CARS1: variants seen among roughly 807,000 people sequenced by gnomAD.
The protein encoded by CARS1 is cysteine--tRNA ligase, cytoplasmic.
In CARS1, 48 loss-of-function variants were observed where a neutral mutation model predicts 106.2. That is an observed-to-expected ratio of 0.45 (90% CI 0.36 to 0.57). The LOEUF is 0.57. CARS1 is among the 20% of genes least tolerant of loss of function. The pLI is 0.00. For synonymous variants in CARS1, 409 were observed against 403.4 expected (o/e 1.01, Z -0.17); for missense variants, 968 against 1,057.2 (o/e 0.92, Z 1.17).
chr11:3,005,107 C>CAA (rs71035465), intron 20 of CARS1, among the ~76,000 whole-genome samples: 2,394 of 90,274 alleles, frequency 0.027, 135 homozygotes, highest in African/African-American at 0.089. Flanking sequence ...GACTCCGTCT[C>CAA]AAAAAAAAAA....
intron 16 of CARS1, among the ~76,000 whole-genome samples, chr11:3,016,417 G>T (rs1490350799): frequency 9.9e-5 from 15 of 151,818 alleles, no homozygotes; most frequent in East Asian, 9.7e-4. Flanking sequence ...TAGAGACGGG[G>T]TTTCACCGTG....
At position 3,020,820 on chromosome 11, in the gene CARS1, G is replaced by A. The variant is rs1204753531; in HGVS notation, c.1154-488C>T. ...GGGGATACAAGGATGCAGCTAAGCT[G>A]CTGTGTACTACTGCAGGGAACCTGG... On this transcript the variant is annotated intron_variant, in intron 10 of 22. Coordinates refer to ENST00000380525, the MANE Select transcript of CARS1 (RefSeq NM_001014437.3). The surrounding 1 kb of genome is among the most constrained non-coding windows in gnomAD (Gnocchi z 4.6). Among the ~76,000 whole-genome samples, 3 of 152,240 alleles carry A rather than the reference G, an allele frequency of 2.0e-5. No individual in the cohort carries two copies. Among genetic ancestry groups the A allele is most frequent in the Non-Finnish European group, 4.4e-5 (3 of 68,042 alleles).
intron 19 of CARS1, among the ~76,000 whole-genome samples, chr11:3,005,714 C>T (rs868208187): frequency 1.3e-5 from 2 of 149,580 alleles, no homozygotes; most frequent in Middle Eastern, 3.4e-3. Flanking sequence ...TTCACTGCAA[C>T]CTTTGCCTAT....
rs74436287 is a variant in CARS1, at chr11:3,046,388, G to C, written c.274+1365C>G. On this transcript the variant is annotated intron_variant, in intron 2 of 22. Transcript: ENST00000380525. This position sits in a 1 kb window ranked among gnomAD's most constrained non-coding sequence, Gnocchi z 5.8. ...TGGCAGGGGGAACAACCTGACACCC[G>C]AGCCCTTGGAGAGAAGGCACCTCAC... is the stretch of plus-strand genomic sequence containing the variant. 1.6e-4 allele frequency among the ~76,000 whole-genome samples: 24 copies of C among 152,184 alleles called. No individual in the cohort carries two copies. Among genetic ancestry groups the C allele is most frequent in the Middle Eastern group, 3.4e-3 (1 of 294 alleles).
rs412265 is a variant in CARS1, at chr11:3,046,393, C to T, written c.274+1360G>A. On this transcript the variant is annotated intron_variant, in intron 2 of 22. Coordinates refer to ENST00000380525, the MANE Select transcript of CARS1 (RefSeq NM_001014437.3). This position sits in a 1 kb window ranked among gnomAD's most constrained non-coding sequence, Gnocchi z 5.8. ...GGGGGAACAACCTGACACCCGAGCCCTTGGAGAGAAGGCACCTCACAGCAC... is the reference window on the plus strand; with the variant it reads ...GGGGGAACAACCTGACACCCGAGCCTTTGGAGAGAAGGCACCTCACAGCAC... 2.6e-4 allele frequency among the ~76,000 whole-genome samples: 39 copies of T among 152,294 alleles called. No individual in the cohort carries two copies. Among genetic ancestry groups the T allele is most frequent in the Middle Eastern group, 3.4e-3 (1 of 294 alleles).
chr11:3,027,973 C>T (rs1329162886), intron 9 of CARS1: 3 of 417,088 alleles, frequency 7.2e-6, no homozygotes, highest in African/African-American at 6.1e-5. Flanking sequence ...TATCCGGAGG[C>T]CTAACCGTCT....
intron 10 of CARS1, among the ~76,000 whole-genome samples, chr11:3,024,017 C>T (rs893268683): frequency 6.6e-6 from 1 of 152,066 alleles, no homozygotes; most frequent in East Asian, 1.9e-4. Flanking sequence ...CTCAGCCTCC[C>T]GAGTAGCTGG....
chr11:3,042,649 T>C (rs958127426), intron 2 of CARS1, among the ~76,000 whole-genome samples: 13 of 152,218 alleles, frequency 8.5e-5, no homozygotes, highest in Admixed American at 3.3e-4. Context: ...CTTCAAATAC[T>C]GGCCCCTTTC....
At chr11:3,056,290 A>C (rs1458366824) in intron 1 of CARS1, among the ~76,000 whole-genome samples, 1 of 152,242 alleles carries the variant, frequency 6.6e-6, no homozygotes, top group South Asian at 2.1e-4. Flanking sequence ...ACTTGCATCT[A>C]ATTTTTGCCA....
Position 3,047,774 on chromosome 11 carries a change from G to C in CARS1, c.253C>G (p.Gln85Glu), listed in dbSNP as rs374958500. 1.2e-6 allele frequency: 2 copies of C among 1,613,242 alleles called. No individual in the cohort carries two copies. Among genetic ancestry groups the C allele is most frequent in the African/African-American group, 2.7e-5 (2 of 74,914 alleles). ...ALLGSPCGKGQPCRLQASKGR... is the reference protein window; with the variant it reads ...ALLGSPCGKGEPCRLQASKGR... Reference sequence around the variant, plus strand: ...TCACTTGCTTGGAGCCTGCAGGGCTGGCCTTTGCCACAGGGGCTACCCAGG... The same window carrying C: ...TCACTTGCTTGGAGCCTGCAGGGCTCGCCTTTGCCACAGGGGCTACCCAGG... The change falls in exon 2 of 23, where the codon CAG becomes GAG. Residue 85 changes from glutamine (Q) to glutamate (E), a missense_variant. Coordinates refer to ENST00000380525, the MANE Select transcript of CARS1 (RefSeq NM_001014437.3).
rs567080568 is a variant in CARS1, at chr11:3,043,759, G to A, written c.275-1503C>T. Among the ~76,000 whole-genome samples, 139 of 152,186 alleles carry A rather than the reference G, an allele frequency of 9.1e-4. 1 individual carries two copies. The highest frequency in any genetic ancestry group is 1.5e-3 in the Non-Finnish European group (103 of 68,016). Reference sequence around the variant, plus strand: ...TAGCTCAGGCCACACGAGCCAGGACGGCAGACGCTGATGACTAACAGGCCA... The same window carrying A: ...TAGCTCAGGCCACACGAGCCAGGACAGCAGACGCTGATGACTAACAGGCCA... On this transcript the variant is annotated intron_variant, in intron 2 of 22. Transcript: ENST00000380525. The surrounding 1 kb of genome is among the most constrained non-coding windows in gnomAD (Gnocchi z 4.0).
chr11:3,006,938 C>G lies in CARS1; in HGVS notation c.2090G>C (p.Ser697Thr). The change falls in exon 19 of 23, where the codon AGC becomes ACC. Residue 697 changes from serine to threonine, a missense_variant. Physicochemically the swap from Ser to Thr is moderately conservative, Grantham distance 58 (BLOSUM62 1). Transcript: ENST00000380525. ...CAGGATGTTGTCCCGCAGGGCATCG[C>G]TGAGCTGCAGAATCTCAGGGACTGT... is the stretch of plus-strand genomic sequence containing the variant. ...EQKVPEILQL[S>T]DALRDNILPE... 1 of 1,614,102 alleles carries G rather than the reference C, an allele frequency of 6.2e-7. No individual in the cohort carries two copies. The highest frequency in any genetic ancestry group is 8.5e-7 in the Non-Finnish European group (1 of 1,180,016).
rs545315438 is a variant in CARS1 at position 3,028,643 on chromosome 11, G to C, written c.1031+353C>G. ...ATCCTCCTTCGGGATATGACACCAG[G>C]ACTAGCACTCTCAAAATGTCTACGC... On this transcript the variant is annotated intron_variant, in intron 9 of 22. Coordinates refer to ENST00000380525, the MANE Select transcript of CARS1 (RefSeq NM_001014437.3). The surrounding 1 kb of genome is among the most constrained non-coding windows in gnomAD (Gnocchi z 4.4). The C allele has an allele frequency of 3.0e-6, 1 of 338,736 alleles. No homozygotes were observed. Among genetic ancestry groups the C allele is most frequent in the South Asian group, 7.9e-5 (1 of 12,694 alleles). 21.0% of individuals were successfully genotyped at this position (338,736 alleles called of 1,614,324 possible).
intron 2 of CARS1, among the ~76,000 whole-genome samples, chr11:3,047,208 T>C (rs1395838386): frequency 2.2e-5 from 3 of 134,622 alleles, no homozygotes; most frequent in Non-Finnish European, 4.6e-5. Flanking sequence ...ACCCGGGAGG[T>C]GGAGCTTGCA....
At position 3,028,542 on chromosome 11, in the gene CARS1, C is replaced by T. The variant is rs989313513; in HGVS notation, c.1031+454G>A. ...ACTTTGGAGATTGAGACAATACGGG[C>T]CAGGGAAGTGTATGATGGATTTGCC... is the stretch of plus-strand genomic sequence containing the variant. On this transcript the variant is annotated intron_variant, in intron 9 of 22. Transcript: ENST00000380525. The surrounding 1 kb of genome is among the most constrained non-coding windows in gnomAD (Gnocchi z 4.4). 2.5e-5 allele frequency: 6 copies of T among 237,984 alleles called. No individual in the cohort carries two copies. Among genetic ancestry groups the T allele is most frequent in the Non-Finnish European group, 3.2e-5 (4 of 125,222 alleles). The allele number at this position is 237,984 out of a possible 1,614,324, so 14.7% of individuals were successfully genotyped here.
chr11:3,054,675 C>T (rs2134326717), intron 1 of CARS1, among the ~76,000 whole-genome samples: 1 of 152,312 alleles, frequency 6.6e-6, no homozygotes, highest in South Asian at 2.1e-4. Flanking sequence ...GATTGCTTGA[C>T]TTCTCTGAAC....
chr11:3,001,003 A>C lies in CARS1; in HGVS notation c.*111T>G. 8.0e-7 allele frequency: 1 copy of C among 1,257,140 alleles called. No homozygotes were observed. Among genetic ancestry groups the C allele is most frequent in the Non-Finnish European group, 1.1e-6 (1 of 891,340 alleles). 77.9% of individuals were successfully genotyped at this position (1,257,140 alleles called of 1,614,324 possible). ...CGAACCTACATGAACACAACTCTTA[A>C]TTTAGGACCCAAGGGTGACTGTAAA... On this transcript the variant is annotated 3_prime_UTR_variant, in exon 23 of 23. Transcript: ENST00000380525.
chr11:3,040,917 G>A lies in CARS1; in HGVS notation c.434C>T (p.Ala145Val). Residue 145 changes from alanine (A) to valine (V), a missense_variant, in exon 4 of 23, where the codon GCA becomes GTA. Physicochemically the swap from Ala to Val is moderately conservative, Grantham distance 64. Transcript: ENST00000380525. The surrounding 1 kb of genome is among the most constrained non-coding windows in gnomAD (Gnocchi z 5.8). Reference sequence around the variant, plus strand: ...CTACCTGGCGTGCCCCATGTGAGATGCGTCATAGACGGTTGGCCCACAGCA... The same window carrying A: ...CTACCTGGCGTGCCCCATGTGAGATACGTCATAGACGGTTGGCCCACAGCA... The part of the protein sequence containing the change: ...WYCCGPTVYD[A>V]SHMGHARSYI... 2 of 1,614,112 alleles carry A rather than the reference G, an allele frequency of 1.2e-6. No homozygotes were observed. The highest frequency in any genetic ancestry group is 1.7e-6 in the Non-Finnish European group (2 of 1,180,004).
Position 3,030,036 on chromosome 11 carries a change from AGGC to A in CARS1, c.802-596_802-594del. On this transcript the variant is annotated intron_variant, in intron 7 of 22. Transcript: ENST00000380525. This position sits in a 1 kb window ranked among gnomAD's most constrained non-coding sequence, Gnocchi z 5.7. ...ACCAGGTCCTGACCACACACACTCTAGGCATGAGACACGCCCCAACTGCACTCA... is the reference window on the plus strand; with the variant it reads ...ACCAGGTCCTGACCACACACACTCTAATGAGACACGCCCCAACTGCACTCA... The A allele has an allele frequency of 6.5e-6, 1 of 152,944 alleles. No individual in the cohort carries two copies. The highest frequency in any genetic ancestry group is 1.5e-5 in the Non-Finnish European group (1 of 68,556). The allele number at this position is 152,944 out of a possible 1,614,324, so 9.5% of individuals were successfully genotyped here.
Sources: allele counts gnomAD v4.1 joint callset (sites outside exome capture counted in the v4.1 genomes callset), GRCh38; gene constraint gnomAD v4.1.1; non-coding constraint Gnocchi (gnomAD v3.1); transcripts MANE v1.5; gene names NCBI Gene and HGNC (gene_info 2026-07-23, HGNC 2026-07-21).